The following CPVL variants were observed in gnomAD, a reference collection of about 807,000 sequenced individuals.
CPVL encodes the protein probable serine carboxypeptidase CPVL.
Under a neutral mutation model 63.7 loss-of-function variants are expected in CPVL, and 51 were observed. The observed-to-expected ratio is 0.80, with a 90% CI of 0.64 to 1.01. The LOEUF (loss-of-function observed/expected upper bound fraction) is 1.01, where lower values mean the gene tolerates loss of function less well. Ranked by LOEUF, CPVL falls within the 50% of genes least tolerant of loss-of-function variation. The pLI is 0.00. For synonymous variants in CPVL, 195 were observed against 206.0 expected, an observed-to-expected ratio of 0.95 and a Z score of 0.46; for missense variants, 530 against 573.1, an observed-to-expected ratio of 0.92 and a Z score of 0.77.
chr7:29,071,905 C>G lies in CPVL; in HGVS notation c.733-1G>C. On this transcript the variant is annotated splice_acceptor_variant, in intron 8 of 12. Coordinates refer to ENST00000265394, the MANE Select transcript of CPVL (RefSeq NM_031311.5). LOFTEE classifies it high-confidence loss of function. Reference sequence around the variant, plus strand: ...GGAATTCTGCATAGCCCCCTATAATCTGAGGACAAAAAAGACACACATCAA... The same window carrying G: ...GGAATTCTGCATAGCCCCCTATAATGTGAGGACAAAAAAGACACACATCAA... 1 of 1,613,798 alleles carries G rather than the reference C, an allele frequency of 6.2e-7. No homozygotes were observed. The highest frequency in any genetic ancestry group is 8.5e-7 in the Non-Finnish European group (1 of 1,179,902).
chr7:29,048,301 T>C (rs1274446442), intron 11 of CPVL, among the ~76,000 whole-genome samples: 2 of 152,064 alleles, frequency 1.3e-5, no homozygotes, highest in African/African-American at 4.8e-5. Context: ...ACCAACCAAC[T>C]ATCTGCTGCC....
chr7:29,010,418 A>C (rs547879411), intron 12 of CPVL: 1 of 152,110 alleles, frequency 6.6e-6, no homozygotes, highest in South Asian at 2.1e-4. Flanking sequence ...GGGATGTTTC[A>C]AATTATTGTT....
chr7:29,151,358 G>A (rs921818300), upstream of CPVL, among the ~76,000 whole-genome samples: 1 of 152,150 alleles, frequency 6.6e-6, no homozygotes, highest in African/African-American at 2.4e-5. Context: ...AGATGGTTTA[G>A]CGCCCTTTAG....
chr7:29,100,750 T>C (rs1787028120), intron 3 of CPVL, among the ~76,000 whole-genome samples: 1 of 152,220 alleles, frequency 6.6e-6, no homozygotes, highest in Non-Finnish European at 1.5e-5. Flanking sequence ...TGCTCCTGAT[T>C]TACTTTCCTG....
intron 3 of CPVL, among the ~76,000 whole-genome samples, chr7:29,106,010 C>T (rs1318343592): frequency 6.6e-6 from 1 of 152,202 alleles, no homozygotes; most frequent in African/African-American, 2.4e-5. Flanking sequence ...CTTCCCAAGG[C>T]TGCTGTCCAG....
At chr7:29,028,898 G>C (rs987031322) in intron 12 of CPVL, among the ~76,000 whole-genome samples, 3 of 149,724 alleles carry the variant, frequency 2.0e-5, no homozygotes, top group Non-Finnish European at 4.4e-5. Flanking sequence ...CGGTGTGGTG[G>C]AGCTTGCAGT....
At chr7:29,185,321 ACATG>A (rs1798576403) in intron 3 of CPVL, among the ~76,000 whole-genome samples, 1 of 152,234 alleles carries the variant, frequency 6.6e-6, no homozygotes, top group Admixed American at 6.5e-5. Context: ...AAAGATCATA[ACATG>A]GACCAAAATT....
At chr7:29,195,310 G>C (rs1018847158), upstream of CPVL, 8 of 322,716 alleles carry the variant, frequency 2.5e-5, 1 homozygote, top group South Asian at 1.5e-4. Context: ...CAGCTGGAGC[G>C]GGGGCTGGCG....
At chr7:29,140,277 T>TCAAA (rs903921488) in intron 1 of CPVL, among the ~76,000 whole-genome samples, 3 of 151,352 alleles carry the variant, frequency 2.0e-5, no homozygotes, top group South Asian at 2.1e-4. Context: ...CTGTCTCACA[T>TCAAA]CAAACAAACA....
Position 29,025,823 on chromosome 7 carries a change from G to A in CPVL, c.1320+4754C>T, listed in dbSNP as rs560238919. On this transcript the variant is annotated intron_variant, in intron 12 of 12. Coordinates refer to ENST00000265394, the MANE Select transcript of CPVL (RefSeq NM_031311.5). ...ACACTGGAGCACCCAAATATATAAA[G>A]CAAATAGTATTGGATCTAAAGGGAG... Among the ~76,000 whole-genome samples the A allele has an allele frequency of 7.2e-4, 110 of 152,212 alleles. 1 individual carries two copies. Among genetic ancestry groups the A allele is most frequent in the African/African-American group, 2.6e-3 (107 of 41,534 alleles).
At chr7:29,133,233 T>C (rs1005827997) in intron 1 of CPVL, among the ~76,000 whole-genome samples, 3 of 151,916 alleles carry the variant, frequency 2.0e-5, no homozygotes, top group Admixed American at 1.3e-4. Context: ...TCTTTCTTAA[T>C]GTATTCTGAC....
intron 11 of CPVL, among the ~76,000 whole-genome samples, chr7:29,048,445 G>A (rs750752826): frequency 6.6e-6 from 1 of 152,216 alleles, no homozygotes; most frequent in East Asian, 1.9e-4. Context: ...TAAAGCAACT[G>A]CAGTTAAAAG....
chr7:29,086,153 A>T (rs950864200), intron 7 of CPVL, among the ~76,000 whole-genome samples: 4 of 152,038 alleles, frequency 2.6e-5, no homozygotes, highest in Admixed American at 1.3e-4. Context: ...TTAGCCGTGC[A>T]TGGTGGCAGG....
At chr7:29,050,607 T>C (rs1055381714) in intron 11 of CPVL, among the ~76,000 whole-genome samples, 6 of 151,872 alleles carry the variant, frequency 4.0e-5, no homozygotes, top group Admixed American at 6.6e-5. Context: ...ACAAGACAAA[T>C]AGAAACACAT....
At position 29,039,730 on chromosome 7, in the gene CPVL, G is replaced by A. The variant is rs139649145; in HGVS notation, c.1138-8971C>T. Among the ~76,000 whole-genome samples, 796 of 152,142 alleles carry A rather than the reference G, an allele frequency of 5.2e-3. 10 individuals carry two copies. The highest frequency in any genetic ancestry group is 9.2e-3 in the Non-Finnish European group (623 of 68,002). On this transcript the variant is annotated intron_variant, in intron 11 of 12. Coordinates refer to ENST00000265394, the MANE Select transcript of CPVL (RefSeq NM_031311.5). The stretch of plus-strand genomic sequence containing the variant: ...CTTTTCTCTTTATTCCCTGCTTACA[G>A]CTCTTACTTATTAGGAAAATTACAG...
intron 2 of CPVL, among the ~76,000 whole-genome samples, chr7:29,114,812 T>C (rs1416157651): frequency 6.6e-6 from 1 of 152,118 alleles, no homozygotes; most frequent in East Asian, 1.9e-4. Context: ...GCCACCTGGA[T>C]TAAAAGAGCC....
At chr7:29,103,855 G>C (rs917648059) in intron 3 of CPVL, among the ~76,000 whole-genome samples, 3 of 152,184 alleles carry the variant, frequency 2.0e-5, no homozygotes, top group Admixed American at 6.5e-5. Flanking sequence ...TCTATATGCA[G>C]AGGCTGATCA....
At chr7:29,074,338 CA>C (rs1240551046) in intron 7 of CPVL, among the ~76,000 whole-genome samples, 3 of 152,132 alleles carry the variant, frequency 2.0e-5, no homozygotes, top group African/African-American at 7.2e-5. Flanking sequence ...AAGGTGTGTT[CA>C]TATGTCTGAA....
intron 7 of CPVL, among the ~76,000 whole-genome samples, chr7:29,075,955 A>ATTTTTTTTTT (rs1784197642): frequency 2.1e-4 from 2 of 9,450 alleles, no homozygotes; most frequent in African/African-American, 4.1e-4. Flanking sequence ...TTGTTGAGAT[A>ATTTTTTTTTT]GTTTTTTTTT....
Sources: gnomAD v4.1 joint callset for allele counts (sites outside exome capture counted in the v4.1 genomes callset) on GRCh38, gnomAD v4.1.1 for gene constraint, MANE v1.5 for transcripts, NCBI Gene and HGNC (gene_info 2026-07-23, HGNC 2026-07-21) for gene names.